Variants in RBM47 observed in about 807,000 individuals in gnomAD.
RBM47 encodes the protein RNA binding motif protein 47.
A neutral mutation model predicts 47.1 loss-of-function variants in RBM47; 21 were observed. That is an observed-to-expected ratio of 0.45 (90% CI 0.32 to 0.64). RBM47 has a LOEUF of 0.64. Ranked by LOEUF, RBM47 falls within the 30% of genes least tolerant of loss-of-function variation. RBM47 has a pLI of 0.05. For missense variants in RBM47, 708 were observed against 870.9 expected (o/e 0.81, Z 2.35); for synonymous variants, 375 against 361.7 (o/e 1.04, Z -0.42).
At chr4:40,519,440 G>A (rs1448813764) in intron 2 of RBM47, among the ~76,000 whole-genome samples, 1 of 151,348 alleles carries the variant, frequency 6.6e-6, no homozygotes, top group East Asian at 1.9e-4. Flanking sequence ...TGGGATTACA[G>A]GTGTGCACCA....
At chr4:40,589,345 G>A (rs1443635586) in intron 1 of RBM47, among the ~76,000 whole-genome samples, 2 of 152,198 alleles carry the variant, frequency 1.3e-5, no homozygotes, top group Admixed American at 6.5e-5. Flanking sequence ...CCCAAACTGT[G>A]TGAGGGTTGC....
chr4:40,502,986 CAAAAA>C (rs35856007), intron 2 of RBM47, among the ~76,000 whole-genome samples: 1 of 86,480 alleles, frequency 1.2e-5, no homozygotes, highest in African/African-American at 4.6e-5. Context: ...CCTGTCTGTA[CAAAAA>C]AAAAAAAAAA....
intron 6 of RBM47, among the ~76,000 whole-genome samples, chr4:40,432,311 T>C (rs1716279153): frequency 6.6e-6 from 1 of 151,944 alleles, no homozygotes; most frequent in African/African-American, 2.4e-5. Context: ...GTGAAATCAC[T>C]CCCTGGACTT....
At chr4:40,589,940 C>G (rs556743517) in intron 1 of RBM47, among the ~76,000 whole-genome samples, 5 of 152,160 alleles carry the variant, frequency 3.3e-5, no homozygotes, top group Non-Finnish European at 7.4e-5. Flanking sequence ...TGATAGAATC[C>G]TGAGCCCAAC....
At chr4:40,443,136 A>G (rs1248098782) in intron 3 of RBM47, among the ~76,000 whole-genome samples, 1 of 152,198 alleles carries the variant, frequency 6.6e-6, no homozygotes, top group African/African-American at 2.4e-5. Context: ...AAAGTAGACT[A>G]GTGGTTACCA....
intron 1 of RBM47, among the ~76,000 whole-genome samples, chr4:40,593,776 C>T (rs186864455): frequency 0.021 from 3,212 of 151,396 alleles, 113 homozygotes; most frequent in African/African-American, 0.07. Context: ...CCCAGCTACT[C>T]GGGAGGCTGA....
intron 2 of RBM47, among the ~76,000 whole-genome samples, chr4:40,504,445 C>A (rs1418241497): frequency 6.6e-6 from 1 of 151,980 alleles, no homozygotes; most frequent in Non-Finnish European, 1.5e-5. Context: ...TGCCCGCCAC[C>A]ACACCTGACT....
intron 1 of RBM47, among the ~76,000 whole-genome samples, chr4:40,581,510 T>C (rs1474062839): frequency 6.6e-6 from 1 of 151,172 alleles, no homozygotes. Context: ...AGGGGGACTC[T>C]GGGGAAGATG....
intron 2 of RBM47, among the ~76,000 whole-genome samples, chr4:40,528,584 GT>G: frequency 6.6e-6 from 1 of 151,924 alleles, no homozygotes; most frequent in East Asian, 1.9e-4. Flanking sequence ...GGCCAATATG[GT>G]GAAAACCCAT....
At position 40,628,143 on chromosome 4, in the gene RBM47, G is replaced by A. The variant is rs1391178191; in HGVS notation, c.-240+1253C>T. On this transcript the variant is annotated intron_variant, in intron 1 of 6. Transcript: ENST00000295971. This position sits in a 1 kb window ranked among gnomAD's most constrained non-coding sequence, Gnocchi z 4.0. Reference sequence around the variant, plus strand: ...AAATTTCTGAGACCCCATCCTTCCAGCATGCAATAATTAAGTCAAAGAGGC... The same window carrying A: ...AAATTTCTGAGACCCCATCCTTCCAACATGCAATAATTAAGTCAAAGAGGC... Among the ~76,000 whole-genome samples the A allele has an allele frequency of 6.6e-6, 1 of 152,098 alleles. No individual in the cohort carries two copies. The highest frequency in any genetic ancestry group is 2.4e-5 in the African/African-American group (1 of 41,418).
At chr4:40,500,883 A>G (rs1208328252) in intron 2 of RBM47, among the ~76,000 whole-genome samples, 5 of 152,168 alleles carry the variant, frequency 3.3e-5, no homozygotes, top group African/African-American at 1.2e-4. Context: ...CACAGAAAAC[A>G]CTGACCATGG....
intron 3 of RBM47, among the ~76,000 whole-genome samples, chr4:40,449,408 T>C (rs1167492931): frequency 5.3e-5 from 8 of 152,240 alleles, no homozygotes; most frequent in African/African-American, 1.4e-4. Context: ...TGGGTCTTAA[T>C]TGTGTTGATG....
At position 40,606,642 on chromosome 4, in the gene RBM47, T is replaced by C. The variant is rs375115298; in HGVS notation, c.-240+22754A>G. On this transcript the variant is annotated intron_variant, in intron 1 of 6. Coordinates refer to ENST00000295971, the MANE Select transcript of RBM47 (RefSeq NM_001098634.2). The stretch of plus-strand genomic sequence containing the variant: ...CTGGATTTGGTCTCTGGCTCTCCAC[T>C]TGCTGGCTGGCAACCTGGGCAAATT... Among the ~76,000 whole-genome samples, 192 of 152,094 alleles carry C rather than the reference T, an allele frequency of 1.3e-3. 1 individual carries two copies. The highest frequency in any genetic ancestry group is 4.2e-3 in the African/African-American group (175 of 41,506).
chr4:40,619,969 C>T (rs192769940), intron 1 of RBM47, among the ~76,000 whole-genome samples: 9 of 152,014 alleles, frequency 5.9e-5, no homozygotes, highest in East Asian at 5.8e-4. Context: ...AGGCCGAGGC[C>T]GCGGATCACT....
chr4:40,427,106 G>A (rs2154208153), intron 6 of RBM47: 1 of 152,176 alleles, frequency 6.6e-6, no homozygotes, highest in Non-Finnish European at 1.5e-5. Flanking sequence ...ATCTCCAAAG[G>A]GACAGCTTCT....
chr4:40,594,199 CAACAG>C (rs1283895919), intron 1 of RBM47, among the ~76,000 whole-genome samples: 1 of 152,094 alleles, frequency 6.6e-6, no homozygotes, highest in East Asian at 1.9e-4. Context: ...ATAAGAAAGA[CAACAG>C]AAAGCATATT....
chr4:40,470,896 C>A (rs151065635), intron 2 of RBM47, among the ~76,000 whole-genome samples: 2,871 of 152,264 alleles, frequency 0.019, 103 homozygotes, highest in African/African-American at 0.064. Flanking sequence ...GTGCACACCA[C>A]CACACCTGGC....
intron 3 of RBM47, among the ~76,000 whole-genome samples, chr4:40,466,375 C>T (rs916348425): frequency 6.6e-6 from 1 of 150,444 alleles, no homozygotes; most frequent in Non-Finnish European, 1.5e-5. Flanking sequence ...TCTTAAGTCA[C>T]AAAGATGTAA....
At chr4:40,579,726 T>C (rs1341029394) in intron 1 of RBM47, among the ~76,000 whole-genome samples, 2 of 146,452 alleles carry the variant, frequency 1.4e-5, no homozygotes, top group East Asian at 2.0e-4. Context: ...AGTTATTACA[T>C]TGAGAAAGTA....
Sources: allele counts gnomAD v4.1 joint callset (sites outside exome capture counted in the v4.1 genomes callset), GRCh38; gene constraint gnomAD v4.1.1; non-coding constraint Gnocchi (gnomAD v3.1); transcripts MANE v1.5; gene names NCBI Gene and HGNC (gene_info 2026-07-23, HGNC 2026-07-21).